The following GRAMD1B variants were observed in gnomAD, a reference collection of about 807,000 sequenced individuals.
The protein encoded by GRAMD1B is protein Aster-B.
Under a neutral mutation model 99.7 loss-of-function variants are expected in GRAMD1B, and 37 were observed. The ratio of observed to expected loss-of-function variants is 0.37; its 90% CI spans 0.29 to 0.49. The LOEUF (loss-of-function observed/expected upper bound fraction) is 0.49. GRAMD1B is among the 20% of genes least tolerant of loss of function. The pLI is 0.98. For missense variants in GRAMD1B, 888 were observed against 1,009.2 expected, an observed-to-expected ratio of 0.88 and a Z score of 1.63; for synonymous variants, 427 against 387.6, an observed-to-expected ratio of 1.10 and a Z score of -1.19.
chr11:123,532,988 A>G (rs1031869660), intron 2 of GRAMD1B, among the ~76,000 whole-genome samples: 1 of 152,206 alleles, frequency 6.6e-6, no homozygotes, highest in African/African-American at 2.4e-5. Flanking sequence ...TTACTGGATA[A>G]AAACAAGTTT....
chr11:123,380,888 C>A (rs931821938), intron 1 of GRAMD1B, among the ~76,000 whole-genome samples: 1 of 152,150 alleles, frequency 6.6e-6, no homozygotes, highest in African/African-American at 2.4e-5. Context: ...AGGATAATGA[C>A]CACCTCTTTT....
At chr11:123,432,854 G>A (rs563213359) in intron 1 of GRAMD1B, among the ~76,000 whole-genome samples, 70 of 152,280 alleles carry the variant, frequency 4.6e-4, no homozygotes, top group African/African-American at 1.7e-3. Context: ...CAGAAGATGG[G>A]CATTTTGGGC....
chr11:123,548,307 T>TACAC (rs1430665474), intron 2 of GRAMD1B, among the ~76,000 whole-genome samples: 7 of 79,272 alleles, frequency 8.8e-5, no homozygotes, highest in African/African-American at 5.0e-4. Flanking sequence ...TATATATATA[T>TACAC]ATATATATAT....
chr11:123,594,231 G>A, intron 5 of GRAMD1B, 65 bp downstream of exon 5: 2 of 1,135,846 alleles, frequency 1.8e-6, no homozygotes, highest in Non-Finnish European at 2.7e-6. Flanking sequence ...TAGCACTCAG[G>A]GTGCTTCTCT....
chr11:123,615,238 T>C (rs1954193876), intron 17 of GRAMD1B, among the ~76,000 whole-genome samples: 1 of 152,232 alleles, frequency 6.6e-6, no homozygotes, highest in Non-Finnish European at 1.5e-5. Context: ...TGCCAGGCAC[T>C]GGAACTGTGC....
At position 123,606,423 on chromosome 11, in the gene GRAMD1B, T is replaced by C. The variant is rs139230480; in HGVS notation, c.1324-186T>C. Among the ~76,000 whole-genome samples, 455 of 152,316 alleles carry C rather than the reference T, an allele frequency of 3.0e-3. 3 individuals are homozygous for C. Among genetic ancestry groups the C allele is most frequent in the Admixed American group, 0.012 (180 of 15,304 alleles). Reference sequence around the variant, plus strand: ...GCGAGCGTGAGAAGTGCAGTAGTCCTTGTACTGTGTTTGCCCATCCTCTGT... The same window carrying C: ...GCGAGCGTGAGAAGTGCAGTAGTCCCTGTACTGTGTTTGCCCATCCTCTGT... On this transcript the variant is annotated intron_variant, in intron 10 of 19. Transcript: ENST00000635736.
At chr11:123,407,530 C>T (rs1947896918) in intron 1 of GRAMD1B, among the ~76,000 whole-genome samples, 1 of 152,142 alleles carries the variant, frequency 6.6e-6, no homozygotes, top group Non-Finnish European at 1.5e-5. Context: ...GCTGTGGGGA[C>T]TTGGACATCT....
chr11:123,537,427 T>C (rs948501733), intron 2 of GRAMD1B, among the ~76,000 whole-genome samples: 1 of 152,200 alleles, frequency 6.6e-6, no homozygotes, highest in Non-Finnish European at 1.5e-5. Context: ...CATGCAAAGC[T>C]CCTTTGTTTT....
intron 1 of GRAMD1B, among the ~76,000 whole-genome samples, chr11:123,422,060 T>C (rs559420846): frequency 6.6e-6 from 1 of 152,264 alleles, no homozygotes; most frequent in African/African-American, 2.4e-5. Context: ...GCATAACTCA[T>C]CCCTAAATCT....
At chr11:123,574,164 A>C (rs570114237) in intron 2 of GRAMD1B, among the ~76,000 whole-genome samples, 1 of 152,128 alleles carries the variant, frequency 6.6e-6, no homozygotes, top group South Asian at 2.1e-4. Flanking sequence ...AGTGCGTCGT[A>C]TGGGAGTTTG....
At chr11:123,544,360 C>T (rs185543717) in intron 2 of GRAMD1B, among the ~76,000 whole-genome samples, 5 of 152,314 alleles carry the variant, frequency 3.3e-5, no homozygotes, top group African/African-American at 1.2e-4. Context: ...TTGCCCTAAC[C>T]ACCCCACTGC....
At chr11:123,368,699 A>AAAAAAG (rs1555106411) in intron 1 of GRAMD1B, among the ~76,000 whole-genome samples, 1 of 150,294 alleles carries the variant, frequency 6.7e-6, no homozygotes, top group Non-Finnish European at 1.5e-5. Flanking sequence ...AAAAAAAAAA[A>AAAAAAG]AAAGAAAGAA....
chr11:123,375,665 G>A (rs1946669285), intron 1 of GRAMD1B, among the ~76,000 whole-genome samples: 1 of 152,084 alleles, frequency 6.6e-6, no homozygotes, highest in Non-Finnish European at 1.5e-5. Context: ...AGTCACACTG[G>A]GCCTTGAACA....
chr11:123,436,865 T>G (rs1171442187), intron 1 of GRAMD1B, among the ~76,000 whole-genome samples: 4 of 152,174 alleles, frequency 2.6e-5, no homozygotes, highest in Non-Finnish European at 5.9e-5. Context: ...AACTCGTCAT[T>G]TAACTTTAGG....
intron 2 of GRAMD1B, among the ~76,000 whole-genome samples, chr11:123,571,324 C>T (rs777508839): frequency 3.9e-5 from 6 of 152,134 alleles, no homozygotes; most frequent in Non-Finnish European, 7.4e-5. Context: ...AGTGGTGTAG[C>T]GGCCACCGTG....
At chr11:123,461,730 G>A (rs151135598) in intron 1 of GRAMD1B, among the ~76,000 whole-genome samples, 209 of 152,070 alleles carry the variant, frequency 1.4e-3, no homozygotes, top group African/African-American at 4.7e-3. Flanking sequence ...TTAGCCTCCC[G>A]AGTAGCTGGG....
intron 1 of GRAMD1B, among the ~76,000 whole-genome samples, chr11:123,384,530 T>C (rs1422248224): frequency 6.6e-6 from 1 of 151,942 alleles, no homozygotes; most frequent in Admixed American, 6.6e-5. Context: ...TGCTAGTAAT[T>C]GATTATTTAT....
At chr11:123,368,679 C>CAAAAAAAAAA (rs58877377) in intron 1 of GRAMD1B, among the ~76,000 whole-genome samples, 7 of 78,006 alleles carry the variant, frequency 9.0e-5, no homozygotes, top group Admixed American at 3.9e-4. Context: ...GACTCTGTCT[C>CAAAAAAAAAA]AAAAAAAAAA....
rs1565488556 is a variant in GRAMD1B at position 123,626,355 on chromosome 11, C to G, written c.*3760C>G. 6.6e-6 allele frequency: 1 copy of G among 152,182 alleles called. No individual in the cohort carries two copies. The highest frequency in any genetic ancestry group is 2.4e-5 in the African/African-American group (1 of 41,412). The allele number at this position is 152,182 out of a possible 1,614,324, so 9.4% of individuals were successfully genotyped here. On this transcript the variant is annotated 3_prime_UTR_variant, in exon 20 of 20. Coordinates refer to ENST00000635736, the MANE Select transcript of GRAMD1B (RefSeq NM_001387025.1). ...GAATGCTTTGTGAGAAGTGGATTCTCTCCGTGTCCCTGCCCCCCACCCAAA... is the reference window on the plus strand; with the variant it reads ...GAATGCTTTGTGAGAAGTGGATTCTGTCCGTGTCCCTGCCCCCCACCCAAA...
Sources: allele counts gnomAD v4.1 joint callset (sites outside exome capture counted in the v4.1 genomes callset), GRCh38; gene constraint gnomAD v4.1.1; transcripts MANE v1.5; gene names NCBI Gene and HGNC (gene_info 2026-07-23, HGNC 2026-07-21).